The following SMYD3 variants were observed in gnomAD, a reference collection of about 807,000 sequenced individuals.
SMYD3 encodes the protein SET and MYND domain containing 3, also known as histone-lysine N-methyltransferase SMYD3.
SMYD3 carries 36 observed loss-of-function variants against 57.7 expected under a neutral mutation model. That is an observed-to-expected ratio of 0.62 (90% CI 0.48 to 0.82). The LOEUF is 0.82. Among genes scored for constraint, SMYD3 ranks in the 40% least tolerant of loss-of-function variants. The pLI is 0.00. For missense variants in SMYD3, 515 were observed against 538.8 expected, an observed-to-expected ratio of 0.96 and a Z score of 0.44; for synonymous variants, 211 against 195.0, an observed-to-expected ratio of 1.08 and a Z score of -0.68.
intron 5 of SMYD3, among the ~76,000 whole-genome samples, chr1:245,963,187 G>A (rs1239031409): frequency 6.6e-6 from 1 of 151,938 alleles, no homozygotes; most frequent in Non-Finnish European, 1.5e-5. Context: ...AGATATATTA[G>A]CTTAATTTAA....
At chr1:246,269,078 T>A (rs2064166737) in intron 5 of SMYD3, among the ~76,000 whole-genome samples, 1 of 152,132 alleles carries the variant, frequency 6.6e-6, no homozygotes, top group African/African-American at 2.4e-5. Flanking sequence ...CCCTTTTCCA[T>A]CCCACTAAAT....
At chr1:246,188,625 T>C (rs567828726) in intron 5 of SMYD3, among the ~76,000 whole-genome samples, 1 of 152,078 alleles carries the variant, frequency 6.6e-6, no homozygotes, top group East Asian at 1.9e-4. Context: ...TTAATATCTA[T>C]GTTAAGAACT....
intron 10 of SMYD3, among the ~76,000 whole-genome samples, chr1:245,838,265 G>A (rs572840928): frequency 6.6e-6 from 1 of 152,196 alleles, no homozygotes; most frequent in Non-Finnish European, 1.5e-5. Flanking sequence ...GTGGGCTTAG[G>A]GGGCACAGAC....
intron 1 of SMYD3, among the ~76,000 whole-genome samples, chr1:246,504,662 T>C (rs1558495431): frequency 4.6e-5 from 7 of 152,192 alleles, no homozygotes; most frequent in Admixed American, 3.9e-4. Context: ...AACATTTTCA[T>C]TCCATACTTA....
intron 10 of SMYD3, among the ~76,000 whole-genome samples, chr1:245,806,892 G>C (rs1001022757): frequency 3.8e-5 from 5 of 131,698 alleles, no homozygotes; most frequent in African/African-American, 1.5e-4. Context: ...AATCCGGCCT[G>C]GGCGACAGAG....
chr1:245,866,338 A>C (rs1287553865), intron 8 of SMYD3, among the ~76,000 whole-genome samples: 1 of 150,134 alleles, frequency 6.7e-6, no homozygotes, highest in African/African-American at 2.5e-5. Context: ...AGTAGAGTGG[A>C]TTTTAAAAAG....
chr1:246,168,051 A>G (rs2062252333), intron 5 of SMYD3, among the ~76,000 whole-genome samples: 1 of 152,212 alleles, frequency 6.6e-6, no homozygotes, highest in South Asian at 2.1e-4. Flanking sequence ...AAGCTGTGCT[A>G]TGAAACCAGA....
At chr1:246,265,148 T>C (rs942590854) in intron 5 of SMYD3, among the ~76,000 whole-genome samples, 3 of 152,218 alleles carry the variant, frequency 2.0e-5, no homozygotes, top group Non-Finnish European at 4.4e-5. Flanking sequence ...ATCTTTATTA[T>C]TTTTCGAGAC....
intron 5 of SMYD3, chr1:246,113,888 C>T (rs1010232961): frequency 3.3e-5 from 5 of 152,196 alleles, no homozygotes; most frequent in African/African-American, 1.2e-4. Flanking sequence ...TACTCTTCTG[C>T]AGACTTCCCA....
At chr1:246,036,054 T>C (rs574277236) in intron 5 of SMYD3, among the ~76,000 whole-genome samples, 2 of 152,236 alleles carry the variant, frequency 1.3e-5, no homozygotes, top group Admixed American at 1.3e-4. Context: ...ATATACAGTG[T>C]CATTGATTTT....
At chr1:246,043,531 G>A (rs2059913140) in intron 5 of SMYD3, among the ~76,000 whole-genome samples, 1 of 152,240 alleles carries the variant, frequency 6.6e-6, no homozygotes, top group Non-Finnish European at 1.5e-5. Flanking sequence ...TGGGACATGA[G>A]TGTGGCTCTC....
chr1:246,023,844 T>TGTGTGTGTGTGTG (rs1558159569), intron 5 of SMYD3, among the ~76,000 whole-genome samples: 19 of 151,456 alleles, frequency 1.3e-4, no homozygotes, highest in South Asian at 4.2e-4. Context: ...TGTGTGTGTG[T>TGTGTGTGTGTGTG]TACTGAAAAA....
At chr1:246,363,924 A>C (rs1242136216) in intron 1 of SMYD3, among the ~76,000 whole-genome samples, 1 of 152,178 alleles carries the variant, frequency 6.6e-6, no homozygotes, top group Non-Finnish European at 1.5e-5. Context: ...TCAATAAAAA[A>C]ATAAATAAAT....
At chr1:246,500,421 G>C (rs2068439338) in intron 1 of SMYD3, among the ~76,000 whole-genome samples, 1 of 152,180 alleles carries the variant, frequency 6.6e-6, no homozygotes, top group Non-Finnish European at 1.5e-5. Context: ...CTCTATCAAA[G>C]ATTCTCAGTG....
chr1:246,439,259 G>A (rs1266203913), intron 1 of SMYD3, among the ~76,000 whole-genome samples: 1 of 152,082 alleles, frequency 6.6e-6, no homozygotes, highest in African/African-American at 2.4e-5. Flanking sequence ...ACCACACCCA[G>A]TCCAAATATT....
chr1:246,055,172 T>A (rs2060130199), intron 5 of SMYD3, among the ~76,000 whole-genome samples: 1 of 145,046 alleles, frequency 6.9e-6, no homozygotes. Flanking sequence ...CAAGACTCTG[T>A]CTCAGAAAAA....
intron 5 of SMYD3, among the ~76,000 whole-genome samples, chr1:246,073,502 A>C (rs2060492379): frequency 6.6e-6 from 1 of 152,084 alleles, no homozygotes; most frequent in Non-Finnish European, 1.5e-5. Flanking sequence ...AGATCGCTTG[A>C]GCCCAGGAGT....
intron 5 of SMYD3, among the ~76,000 whole-genome samples, chr1:246,294,629 T>C (rs1289552068): frequency 6.6e-6 from 1 of 152,088 alleles, no homozygotes; most frequent in Non-Finnish European, 1.5e-5. Context: ...GACAGAGTCT[T>C]ACTCTGTTGC....
At chr1:245,856,022 G>C (rs961174167) in intron 10 of SMYD3, among the ~76,000 whole-genome samples, 1 of 152,260 alleles carries the variant, frequency 6.6e-6, no homozygotes, top group Non-Finnish European at 1.5e-5. Context: ...GCAGGGAGCC[G>C]ATGCGGGGGG....
Sources: allele counts gnomAD v4.1 joint callset (sites outside exome capture counted in the v4.1 genomes callset), GRCh38; gene constraint gnomAD v4.1.1; transcripts MANE v1.5; gene names NCBI Gene and HGNC (gene_info 2026-07-23, HGNC 2026-07-21).